The following ENOX2 variants were observed in gnomAD, a reference collection of about 807,000 sequenced individuals.
ENOX2 encodes ecto-NOX disulfide-thiol exchanger 2.
ENOX2 carries 36 observed loss-of-function variants against 45.0 expected under a neutral mutation model. That is an observed-to-expected ratio of 0.80 (90% CI 0.61 to 1.06). The LOEUF (loss-of-function observed/expected upper bound fraction) is 1.06. Among genes scored for constraint, ENOX2 ranks in the 50% least tolerant of loss-of-function variants. The probability of loss-of-function intolerance (pLI) is 0.00; values close to 1 mark genes in which losing one functional copy is unlikely to be tolerated. For synonymous variants in ENOX2, 174 were observed against 152.3 expected (o/e 1.14, Z -1.05); for missense variants, 423 against 462.5 (o/e 0.91, Z 0.78).
intron 2 of ENOX2, among the ~76,000 whole-genome samples, chrX:130,830,407 C>T (rs2077800498): frequency 9.0e-6 from 1 of 111,547 alleles, no homozygotes; most frequent in South Asian, 3.7e-4. Flanking sequence ...ACTCCACTTC[C>T]TGCCATTAAC....
intron 10 of ENOX2, among the ~76,000 whole-genome samples, chrX:130,653,345 C>T (rs977762887): frequency 4.5e-5 from 5 of 111,852 alleles, no homozygotes; most frequent in African/African-American, 9.8e-5. Context: ...ATCATATTAG[C>T]GCCACAGACA....
At chrX:130,886,434 T>G (rs2148581898) in intron 2 of ENOX2, among the ~76,000 whole-genome samples, 1 of 112,182 alleles carries the variant, frequency 8.9e-6, no homozygotes, top group Non-Finnish European at 1.9e-5. Flanking sequence ...TTCTCAGGGT[T>G]TTTCATTTGC....
intron 3 of ENOX2, among the ~76,000 whole-genome samples, chrX:130,717,598 G>A (rs2038361754): frequency 8.9e-6 from 1 of 112,374 alleles, no homozygotes; most frequent in Non-Finnish European, 1.9e-5. Context: ...TAGTTTTCAA[G>A]AGTGGCTATC....
intron 3 of ENOX2, among the ~76,000 whole-genome samples, chrX:130,721,851 A>G (rs1316047343): frequency 8.9e-6 from 1 of 112,295 alleles, no homozygotes; most frequent in Non-Finnish European, 1.9e-5. Context: ...AAAATTGGCA[A>G]TTGCTATCTC....
At position 130,625,167 on chromosome X, in the gene ENOX2, C is replaced by T. The variant is rs1395217623; in HGVS notation, c.*147G>A. The T allele has an allele frequency of 8.7e-6, 6 of 688,608 alleles. No homozygotes were observed. The highest frequency in any genetic ancestry group is 1.3e-5 in the Non-Finnish European group (6 of 469,683). 56.7% of individuals were successfully genotyped at this position (688,608 alleles called of 1,213,427 possible). ...GTAGTTCGAGGTGCTGTCCTAGGATCCTTATTTTAACTCAAAAGATTTTCC... is the reference window on the plus strand; with the variant it reads ...GTAGTTCGAGGTGCTGTCCTAGGATTCTTATTTTAACTCAAAAGATTTTCC... On this transcript the variant is annotated 3_prime_UTR_variant, in exon 15 of 15. Coordinates refer to ENST00000394363, the MANE Select transcript of ENOX2 (RefSeq NM_006375.4).
At chrX:130,877,205 A>C (rs1282671194) in intron 2 of ENOX2, among the ~76,000 whole-genome samples, 1 of 111,775 alleles carries the variant, frequency 8.9e-6, no homozygotes, top group African/African-American at 3.3e-5. Context: ...CGAAATAATA[A>C]AACTTGATGC....
intron 9 of ENOX2, among the ~76,000 whole-genome samples, chrX:130,660,752 G>GT (rs1322642105): frequency 8.9e-5 from 10 of 112,376 alleles, no homozygotes; most frequent in Non-Finnish European, 1.9e-5. Context: ...AACAAAAAAG[G>GT]TAAGATATCC....
chrX:130,811,868 A>T (rs1233101991), intron 2 of ENOX2, among the ~76,000 whole-genome samples: 2 of 112,500 alleles, frequency 1.8e-5, no homozygotes, highest in Non-Finnish European at 3.8e-5. Context: ...AGAGATTGAA[A>T]TTATTAAACA....
At chrX:130,709,144 C>T in intron 3 of ENOX2, 1 of 715,037 alleles carries the variant, frequency 1.4e-6, no homozygotes. Context: ...TTTACTTCTG[C>T]ACCCTTTACT....
intron 2 of ENOX2, among the ~76,000 whole-genome samples, chrX:130,788,065 T>A (rs1008274833): frequency 2.7e-5 from 3 of 112,087 alleles, no homozygotes; most frequent in African/African-American, 9.7e-5. Flanking sequence ...AACCAATAAA[T>A]CAGTAAATCA....
At chrX:130,729,162 T>C (rs760740212) in intron 3 of ENOX2, among the ~76,000 whole-genome samples, 1 of 111,842 alleles carries the variant, frequency 8.9e-6, no homozygotes, top group South Asian at 3.8e-4. Flanking sequence ...CATACAACCC[T>C]TACTCAAAGC....
Position 130,631,586 on chromosome X carries a change from C to A in ENOX2, c.1420-10G>T, listed in dbSNP as rs755689855. 2.8e-6 allele frequency: 3 copies of A among 1,054,380 alleles called. No individual in the cohort carries two copies. The highest frequency in any genetic ancestry group is 1.9e-5 in the South Asian group (1 of 53,466). The allele number at this position is 1,054,380 out of a possible 1,213,427, so 86.9% of individuals were successfully genotyped here. ...TAGAAGCACAGCTTTCCTGTGGACA[C>A]AACATGCTTCTAGGTCAGTTCACTT... is the stretch of plus-strand genomic sequence containing the variant. On this transcript the variant is annotated splice_polypyrimidine_tract_variant and intron_variant, in intron 12 of 14. Coordinates refer to ENST00000394363, the MANE Select transcript of ENOX2 (RefSeq NM_006375.4).
At chrX:130,864,822 T>G (rs771318480) in intron 2 of ENOX2, among the ~76,000 whole-genome samples, 11 of 111,806 alleles carry the variant, frequency 9.8e-5, no homozygotes, top group African/African-American at 3.6e-4. Context: ...GAGACCAGCC[T>G]GGCCAACATG....
chrX:130,744,039 G>A (rs1007132307), intron 3 of ENOX2, among the ~76,000 whole-genome samples: 2 of 111,984 alleles, frequency 1.8e-5, no homozygotes, highest in African/African-American at 6.5e-5. Context: ...CTAGCACTAT[G>A]GTCCATTGTT....
intron 3 of ENOX2, among the ~76,000 whole-genome samples, chrX:130,782,016 C>G (rs1163024678): frequency 9.0e-6 from 1 of 110,697 alleles, no homozygotes; most frequent in Non-Finnish European, 1.9e-5. Context: ...TATTAGAGTG[C>G]CGTACAATAA....
intron 2 of ENOX2, among the ~76,000 whole-genome samples, chrX:130,896,530 A>G (rs1026969675): frequency 1.8e-5 from 2 of 111,046 alleles, no homozygotes; most frequent in African/African-American, 6.6e-5. Flanking sequence ...TTCTCTTTTT[A>G]TACAGAAGGC....
intron 2 of ENOX2, among the ~76,000 whole-genome samples, chrX:130,840,488 G>A (rs1276518707): frequency 2.8e-5 from 3 of 107,232 alleles, no homozygotes; most frequent in African/African-American, 1.0e-4. Flanking sequence ...CCAACTCAAT[G>A]CACACTTATA....
In ENOX2 at chrX:130,789,554, G is replaced by A. The variant is rs751221283; in HGVS notation, c.-182-5864C>T. On this transcript the variant is annotated intron_variant, in intron 2 of 14. Coordinates refer to ENST00000394363, the MANE Select transcript of ENOX2 (RefSeq NM_006375.4). Reference sequence around the variant, plus strand: ...AAATGGCTAAAATCTTGAGAAATCTGATAAATTCAAATTAAGGCAACAATC... The same window carrying A: ...AAATGGCTAAAATCTTGAGAAATCTAATAAATTCAAATTAAGGCAACAATC... 3.1e-3 allele frequency among the ~76,000 whole-genome samples: 343 copies of A among 112,020 alleles called. 1 individual carries two copies. The highest frequency in any genetic ancestry group is 9.9e-3 in the African/African-American group (307 of 30,887).
intron 6 of ENOX2, 64 bp from the exon 7 acceptor site, chrX:130,670,262 GAGAGAC>G (rs760409902): frequency 2.4e-5 from 18 of 763,812 alleles, no homozygotes; most frequent in African/African-American, 2.3e-4. Flanking sequence ...TAGAGGGAGA[GAGAGAC>G]AGAGACAGAG....
Sources: gnomAD v4.1 joint callset for allele counts (sites outside exome capture counted in the v4.1 genomes callset) on GRCh38, gnomAD v4.1.1 for gene constraint, MANE v1.5 for transcripts, NCBI Gene and HGNC (gene_info 2026-07-23, HGNC 2026-07-21) for gene names.